RASGRP3: variants seen among roughly 807,000 people sequenced by gnomAD.
The protein encoded by RASGRP3 is ras guanyl-releasing protein 3.
RASGRP3 carries 54 observed loss-of-function variants against 82.7 expected under a neutral mutation model. The observed-to-expected ratio is 0.65, with a 90% CI of 0.52 to 0.82. The LOEUF is 0.82. Ranked by LOEUF, RASGRP3 falls within the 40% of genes least tolerant of loss-of-function variation. The pLI is 0.00. For synonymous variants in RASGRP3, 309 were observed against 300.5 expected, an observed-to-expected ratio of 1.03 and a Z score of -0.29; for missense variants, 861 against 828.9, an observed-to-expected ratio of 1.04 and a Z score of -0.48.
chr2:33,507,388 C>T (rs1011264299), intron 1 of RASGRP3, among the ~76,000 whole-genome samples: 21 of 152,218 alleles, frequency 1.4e-4, no homozygotes, highest in African/African-American at 4.8e-4. Flanking sequence ...GAGCAAGACT[C>T]GGTTAATGAG....
At chr2:33,466,095 C>A (rs546413819) in intron 2 of RASGRP3, among the ~76,000 whole-genome samples, 2 of 152,222 alleles carry the variant, frequency 1.3e-5, no homozygotes, top group East Asian at 3.9e-4. Context: ...AACACAACAT[C>A]CATTCTGCAG....
intron 1 of RASGRP3, among the ~76,000 whole-genome samples, chr2:33,443,649 G>A (rs535136088): frequency 6.6e-5 from 10 of 151,404 alleles, no homozygotes; most frequent in Admixed American, 5.3e-4. Context: ...GGGTGGCAGA[G>A]GCTGGAAGAT....
At chr2:33,489,930 C>T (rs997892181) in intron 1 of RASGRP3, among the ~76,000 whole-genome samples, 14 of 152,196 alleles carry the variant, frequency 9.2e-5, no homozygotes, top group African/African-American at 1.9e-4. Flanking sequence ...TTCTCTGTTT[C>T]TGGCTTTTTT....
chr2:33,469,801 T>C (rs1666950684), intron 2 of RASGRP3, among the ~76,000 whole-genome samples: 1 of 152,250 alleles, frequency 6.6e-6, no homozygotes, highest in South Asian at 2.1e-4. Flanking sequence ...AACATGCTTT[T>C]ACTTTGTGTA....
intron 1 of RASGRP3, among the ~76,000 whole-genome samples, chr2:33,499,635 A>T (rs1298843044): frequency 1.3e-5 from 2 of 152,200 alleles, no homozygotes; most frequent in Non-Finnish European, 2.9e-5. Context: ...CTCGGCATTT[A>T]AAAAATCTGA....
intron 1 of RASGRP3, among the ~76,000 whole-genome samples, chr2:33,443,398 G>A (rs72865920): frequency 0.02 from 3,021 of 152,126 alleles, 114 homozygotes; most frequent in African/African-American, 0.07. Flanking sequence ...TTCTCTTAGC[G>A]GCCTGTGTTC....
chr2:33,525,699 C>CAAAAAAAAAAAAAAAA (rs1167570668), intron 9 of RASGRP3, among the ~76,000 whole-genome samples: 1 of 54,396 alleles, frequency 1.8e-5, no homozygotes, highest in Non-Finnish European at 3.0e-5. Flanking sequence ...CCTGTCTCTA[C>CAAAAAAAAAAAAAAAA]AAAAAAAAAA....
intron 1 of RASGRP3, among the ~76,000 whole-genome samples, chr2:33,509,809 C>T (rs112846389): frequency 3.3e-5 from 5 of 152,308 alleles, no homozygotes; most frequent in African/African-American, 1.2e-4. Flanking sequence ...CTCTAGTATT[C>T]TGTTCGGTGT....
At chr2:33,448,835 A>C (rs1236562916) in intron 2 of RASGRP3, among the ~76,000 whole-genome samples, 1 of 152,224 alleles carries the variant, frequency 6.6e-6, no homozygotes, top group Non-Finnish European at 1.5e-5. Context: ...TATATTTATT[A>C]CAATTTAAAA....
At chr2:33,493,337 G>A (rs1669023920) in intron 1 of RASGRP3, among the ~76,000 whole-genome samples, 1 of 152,176 alleles carries the variant, frequency 6.6e-6, no homozygotes, top group Non-Finnish European at 1.5e-5. Flanking sequence ...ACAGTGAGAG[G>A]TGCGGTATGC....
chr2:33,505,140 AT>A (rs1160773778), intron 1 of RASGRP3, among the ~76,000 whole-genome samples: 4 of 146,706 alleles, frequency 2.7e-5, no homozygotes, highest in Non-Finnish European at 6.0e-5. Context: ...CATCACCATC[AT>A]CATCATCATC....
intron 9 of RASGRP3, among the ~76,000 whole-genome samples, chr2:33,526,748 C>A (rs1672602052): frequency 6.6e-6 from 1 of 152,226 alleles, no homozygotes; most frequent in Non-Finnish European, 1.5e-5. Context: ...CCCAAATTAA[C>A]CTCGAGTAAT....
At chr2:33,503,970 T>C (rs1455158539) in intron 1 of RASGRP3, among the ~76,000 whole-genome samples, 19 of 152,298 alleles carry the variant, frequency 1.2e-4, no homozygotes, top group Middle Eastern at 3.4e-3. Flanking sequence ...TATTTGTGCC[T>C]TTAAAAAAAT....
intron 2 of RASGRP3, among the ~76,000 whole-genome samples, chr2:33,469,544 C>T (rs1193445490): frequency 1.3e-5 from 2 of 151,634 alleles, no homozygotes; most frequent in Non-Finnish European, 2.9e-5. Flanking sequence ...ACTGCAACCT[C>T]CACCTCCTGG....
At chr2:33,496,538 T>A (rs17013153) in intron 1 of RASGRP3, among the ~76,000 whole-genome samples, 7 of 152,138 alleles carry the variant, frequency 4.6e-5, no homozygotes, top group Admixed American at 2.0e-4. Flanking sequence ...CTAGATGACA[T>A]GAGGAATTTT....
intron 1 of RASGRP3, among the ~76,000 whole-genome samples, chr2:33,437,155 C>A (rs1459974312): frequency 1.3e-5 from 2 of 152,114 alleles, no homozygotes; most frequent in African/African-American, 4.8e-5. Context: ...AAAAACAGCA[C>A]TGAATAGTTT....
At chr2:33,503,923 A>T (rs985971575) in intron 1 of RASGRP3, among the ~76,000 whole-genome samples, 1 of 152,182 alleles carries the variant, frequency 6.6e-6, no homozygotes, top group Non-Finnish European at 1.5e-5. Context: ...ATAAAGCAGC[A>T]TTGTGCAACC....
intron 10 of RASGRP3, among the ~76,000 whole-genome samples, chr2:33,529,141 A>G (rs1298943789): frequency 1.3e-5 from 2 of 152,190 alleles, no homozygotes; most frequent in Non-Finnish European, 2.9e-5. Flanking sequence ...TTATAAATGA[A>G]ACAAGCAATG....
intron 1 of RASGRP3, among the ~76,000 whole-genome samples, chr2:33,503,168 CT>C (rs1392920441): frequency 6.6e-6 from 1 of 152,146 alleles, no homozygotes; most frequent in Non-Finnish European, 1.5e-5. Flanking sequence ...TTAGGACTTC[CT>C]TTTTTCTCAC....
Sources: allele counts gnomAD v4.1 joint callset (sites outside exome capture counted in the v4.1 genomes callset), GRCh38; gene constraint gnomAD v4.1.1; transcripts MANE v1.5; gene names NCBI Gene and HGNC (gene_info 2026-07-23, HGNC 2026-07-21).